TAOK3: variants seen among roughly 807,000 people sequenced by gnomAD.
The protein encoded by TAOK3 is TAO kinase 3.
A neutral mutation model predicts 120.4 loss-of-function variants in TAOK3; 40 were observed. The observed-to-expected ratio is 0.33, with a 90% CI of 0.26 to 0.43. The LOEUF is 0.43. Among genes scored for constraint, TAOK3 ranks in the 20% least tolerant of loss-of-function variants. The probability of loss-of-function intolerance (pLI) is 1.00; values close to 1 mark genes in which losing one functional copy is unlikely to be tolerated. For missense variants in TAOK3, 821 were observed against 1,112.1 expected (o/e 0.74, Z 3.72); for synonymous variants, 355 against 387.5 (o/e 0.92, Z 0.99).
At chr12:118,266,539 T>G (rs990509385) in intron 2 of TAOK3, 116 bp downstream of exon 2, 3 of 385,916 alleles carry the variant, frequency 7.8e-6, no homozygotes, top group Non-Finnish European at 1.4e-5. Context: ...CCCAATTTTA[T>G]TAATATTTTT....
chr12:118,227,322 A>C (rs895123942), intron 9 of TAOK3, among the ~76,000 whole-genome samples: 31 of 148,030 alleles, frequency 2.1e-4, no homozygotes, highest in African/African-American at 7.3e-4. Context: ...ATAAAATATA[A>C]AATATCTGTG....
At chr12:118,250,504 T>C (rs1157847573) in intron 3 of TAOK3, among the ~76,000 whole-genome samples, 2 of 152,220 alleles carry the variant, frequency 1.3e-5, no homozygotes, top group Non-Finnish European at 2.9e-5. Context: ...TGCCAGACTC[T>C]GGTCTTTATG....
chr12:118,294,638 C>T (rs1448089384), intron 1 of TAOK3, among the ~76,000 whole-genome samples: 10 of 152,106 alleles, frequency 6.6e-5, no homozygotes, highest in East Asian at 3.9e-4. Flanking sequence ...CCTGCCTCGG[C>T]CTCCCAAAGT....
intron 9 of TAOK3, among the ~76,000 whole-genome samples, chr12:118,217,833 A>ACACTTTTTTTTTTTT (rs2039003979): frequency 1.0e-5 from 1 of 99,566 alleles, no homozygotes; most frequent in East Asian, 3.5e-4. Flanking sequence ...ATATATATAT[A>ACACTTTTTTTTTTTT]TATATATATA....
intron 1 of TAOK3, among the ~76,000 whole-genome samples, chr12:118,342,835 G>A (rs2141136731): frequency 6.6e-6 from 1 of 151,690 alleles, no homozygotes; most frequent in Non-Finnish European, 1.5e-5. Flanking sequence ...TGGGGAGGCT[G>A]AGGCAGGAGG....
chr12:118,180,832 A>C lies in TAOK3; in HGVS notation c.1566+539T>G, dbSNP rs143127295. On this transcript the variant is annotated intron_variant, in intron 15 of 20. Coordinates refer to ENST00000392533, the MANE Select transcript of TAOK3 (RefSeq NM_016281.4). Reference sequence around the variant, plus strand: ...CCACCATCAAGGGACTGATACTCAGAATATACATAAGTATAATTTTTTTTT... The same window carrying C: ...CCACCATCAAGGGACTGATACTCAGCATATACATAAGTATAATTTTTTTTT... Among the ~76,000 whole-genome samples the C allele has an allele frequency of 8.2e-4, 124 of 152,116 alleles. 2 individuals carry two copies. Among genetic ancestry groups the C allele is most frequent in the African/African-American group, 2.9e-3 (121 of 41,474 alleles).
intron 1 of TAOK3, among the ~76,000 whole-genome samples, chr12:118,367,847 CTTAA>C (rs1448343182): frequency 1.3e-5 from 2 of 151,848 alleles, no homozygotes; most frequent in Admixed American, 6.6e-5. Flanking sequence ...AAAAGGGGCA[CTTAA>C]TTAAGACTCT....
At chr12:118,231,629 A>C (rs2039786200) in intron 9 of TAOK3, among the ~76,000 whole-genome samples, 1 of 152,306 alleles carries the variant, frequency 6.6e-6, no homozygotes, top group South Asian at 2.1e-4. Context: ...AAATTAGACA[A>C]AGAATTTTTT....
intron 4 of TAOK3, among the ~76,000 whole-genome samples, chr12:118,243,825 C>A (rs1251400868): frequency 6.6e-6 from 1 of 152,008 alleles, no homozygotes; most frequent in Non-Finnish European, 1.5e-5. Flanking sequence ...TACAGGCGTG[C>A]ACCACCAGAC....
chr12:118,162,213 T>C (rs2035266667), intron 17 of TAOK3, among the ~76,000 whole-genome samples, 186 bp from the exon 18 acceptor site: 1 of 152,194 alleles, frequency 6.6e-6, no homozygotes, highest in South Asian at 2.1e-4. Flanking sequence ...GTTCTGTTCC[T>C]GGGTCCACCA....
chr12:118,257,277 A>C (rs575041561), intron 2 of TAOK3, among the ~76,000 whole-genome samples: 69 of 152,344 alleles, frequency 4.5e-4, no homozygotes, highest in African/African-American at 1.6e-3. Context: ...TTACTATCAC[A>C]TGGAGGCTAG....
chr12:118,215,280 G>A (rs1243493891), intron 9 of TAOK3, among the ~76,000 whole-genome samples: 1 of 144,130 alleles, frequency 6.9e-6, no homozygotes, highest in Non-Finnish European at 1.5e-5. Context: ...TGGATCACGA[G>A]GTCAGGAGAT....
chr12:118,293,103 C>T (rs1216306932), intron 1 of TAOK3, among the ~76,000 whole-genome samples: 1 of 152,202 alleles, frequency 6.6e-6, no homozygotes, highest in Non-Finnish European at 1.5e-5. Flanking sequence ...CTTCACACTG[C>T]TTCAGCAATT....
At chr12:118,269,313 C>T (rs2041599256) in intron 1 of TAOK3, among the ~76,000 whole-genome samples, 1 of 151,666 alleles carries the variant, frequency 6.6e-6, no homozygotes, top group African/African-American at 2.4e-5. Context: ...AGGCTCTTGC[C>T]ACCATGCTGG....
At chr12:118,314,822 T>C (rs2043388548) in intron 1 of TAOK3, among the ~76,000 whole-genome samples, 1 of 152,186 alleles carries the variant, frequency 6.6e-6, no homozygotes, top group South Asian at 2.1e-4. Context: ...TGAAAAAAAT[T>C]ACTACAACCA....
At chr12:118,219,759 T>A (rs1046831386) in intron 9 of TAOK3, among the ~76,000 whole-genome samples, 1 of 144,718 alleles carries the variant, frequency 6.9e-6, no homozygotes, top group Non-Finnish European at 1.5e-5. Flanking sequence ...TAAGTCCAGC[T>A]ACTTTTTTGG....
At chr12:118,231,858 G>A (rs1436712883) in intron 9 of TAOK3, among the ~76,000 whole-genome samples, 1 of 151,856 alleles carries the variant, frequency 6.6e-6, no homozygotes, top group Non-Finnish European at 1.5e-5. Context: ...AGAAGAGAGA[G>A]GCTGTAGTGA....
At chr12:118,183,712 A>G (rs2036907001) in intron 14 of TAOK3, among the ~76,000 whole-genome samples, 1 of 152,144 alleles carries the variant, frequency 6.6e-6, no homozygotes. Flanking sequence ...GAATTCAACT[A>G]TTTTTCAGAA....
rs1414214893 is a variant in TAOK3, at chr12:118,371,626, G to A, written c.-194+1022C>T. Among the ~76,000 whole-genome samples the A allele has an allele frequency of 6.6e-6, 1 of 152,120 alleles. No individual in the cohort carries two copies. The highest frequency in any genetic ancestry group is 2.4e-5 in the African/African-American group (1 of 41,440). The stretch of plus-strand genomic sequence containing the variant: ...CCCCGCTCCACTCGTCTGCGCTGCA[G>A]CCGGTTCCTATTTGCCCGACGCCGC... On this transcript the variant is annotated intron_variant, in intron 1 of 20. Transcript: ENST00000392533. This position sits in a 1 kb window ranked among gnomAD's most constrained non-coding sequence, Gnocchi z 5.5.
Sources: gnomAD v4.1 joint callset for allele counts (sites outside exome capture counted in the v4.1 genomes callset) on GRCh38, gnomAD v4.1.1 for gene constraint, Gnocchi (gnomAD v3.1) non-coding constraint, MANE v1.5 for transcripts, NCBI Gene and HGNC (gene_info 2026-07-23, HGNC 2026-07-21) for gene names.